The following CEMIP variants were observed in gnomAD, a reference collection of about 807,000 sequenced individuals.
The protein encoded by CEMIP is cell migration-inducing and hyaluronan-binding protein.
A neutral mutation model predicts 156.9 loss-of-function variants in CEMIP; 105 were observed. The ratio of observed to expected loss-of-function variants is 0.67; its 90% confidence interval spans 0.57 to 0.79. The LOEUF is 0.79. Among genes scored for constraint, CEMIP ranks in the 30% least tolerant of loss-of-function variants. The pLI, the probability that CEMIP is intolerant of heterozygous loss-of-function variation, is 0.00. For missense variants in CEMIP, 1,457 were observed against 1,769.4 expected (o/e 0.82, Z 3.17); for synonymous variants, 676 against 668.4 (o/e 1.01, Z -0.17).
intron 1 of CEMIP, among the ~76,000 whole-genome samples, chr15:80,829,550 T>G (rs1170415055): frequency 6.6e-6 from 1 of 152,344 alleles, no homozygotes; most frequent in East Asian, 1.9e-4. Flanking sequence ...CAAACCATAT[T>G]CCACGGAACC....
intron 1 of CEMIP, among the ~76,000 whole-genome samples, chr15:80,857,114 C>T (rs898997234): frequency 6.6e-6 from 1 of 152,252 alleles, no homozygotes; most frequent in Non-Finnish European, 1.5e-5. Context: ...GCTCTTTCGA[C>T]TCCACTCTGG....
intron 1 of CEMIP, among the ~76,000 whole-genome samples, chr15:80,810,842 ATC>A (rs1195270712): frequency 6.6e-6 from 1 of 151,608 alleles, no homozygotes; most frequent in Non-Finnish European, 1.5e-5. Flanking sequence ...CCATCCATCC[ATC>A]CAACCAGCCA....
At chr15:80,880,317 C>T (rs558439126) in intron 5 of CEMIP, among the ~76,000 whole-genome samples, 1 of 152,322 alleles carries the variant, frequency 6.6e-6, no homozygotes, top group Admixed American at 6.5e-5. Context: ...AAATACAAAA[C>T]ACTTAGAACT....
intron 1 of CEMIP, among the ~76,000 whole-genome samples, chr15:80,835,510 G>A (rs1379556636): frequency 2.0e-5 from 3 of 152,262 alleles, no homozygotes; most frequent in Admixed American, 6.5e-5. Flanking sequence ...CCTTCAGCCT[G>A]CAGGGGCAGC....
intron 1 of CEMIP, among the ~76,000 whole-genome samples, chr15:80,824,603 T>G (rs943701625): frequency 6.6e-6 from 1 of 152,236 alleles, no homozygotes; most frequent in African/African-American, 2.4e-5. Context: ...CATTTGGATA[T>G]TCTGGCCTCT....
chr15:80,802,673 T>C (rs1306291305), intron 1 of CEMIP, among the ~76,000 whole-genome samples: 1 of 152,192 alleles, frequency 6.6e-6, no homozygotes, highest in African/African-American at 2.4e-5. Context: ...AATCTATTGG[T>C]TGGATATATT....
chr15:80,844,557 G>A (rs533657866), intron 1 of CEMIP, among the ~76,000 whole-genome samples: 117 of 152,310 alleles, frequency 7.7e-4, no homozygotes, highest in African/African-American at 2.7e-3. Flanking sequence ...GACTCACAGA[G>A]CTGTGGCAGC....
chr15:80,870,655 G>A (rs1208975598), intron 1 of CEMIP, among the ~76,000 whole-genome samples: 2 of 152,190 alleles, frequency 1.3e-5, no homozygotes, highest in Non-Finnish European at 2.9e-5. Context: ...AGCAAGCAAC[G>A]CCTCCTGCCC....
At chr15:80,822,289 T>C (rs1027283914) in intron 1 of CEMIP, among the ~76,000 whole-genome samples, 4 of 152,186 alleles carry the variant, frequency 2.6e-5, no homozygotes, top group Non-Finnish European at 2.9e-5. Context: ...AGCCTCCCTG[T>C]TGCCTGCCGC....
chr15:80,802,542 G>T (rs1896404391), intron 1 of CEMIP, among the ~76,000 whole-genome samples: 1 of 152,198 alleles, frequency 6.6e-6, no homozygotes, highest in South Asian at 2.1e-4. Context: ...CTAATGGATG[G>T]TCTCATCGCT....
At chr15:80,894,873 A>G (rs1596166131) in intron 10 of CEMIP, 117 bp from the exon 11 acceptor site, 2 of 1,238,458 alleles carry the variant, frequency 1.6e-6, no homozygotes, top group East Asian at 4.7e-5. Context: ...CGTTGTAAAT[A>G]GTGTTGCAGC....
intron 24 of CEMIP, among the ~76,000 whole-genome samples, 189 bp downstream of exon 24, chr15:80,937,074 G>A (rs1901155124): frequency 6.6e-6 from 1 of 152,212 alleles, no homozygotes; most frequent in Non-Finnish European, 1.5e-5. Context: ...CTCCAGCATG[G>A]GTAACCTTGG....
intron 3 of CEMIP, among the ~76,000 whole-genome samples, chr15:80,876,135 A>C (rs181863922): frequency 6.6e-6 from 1 of 152,186 alleles, no homozygotes; most frequent in South Asian, 2.1e-4. Context: ...GACCACTGGG[A>C]TCCTCAGTTG....
chr15:80,948,971 C>A lies in CEMIP; in HGVS notation c.*47C>A, dbSNP rs199799466. 3 of 1,612,756 alleles carry A rather than the reference C, an allele frequency of 1.9e-6. No individual in the cohort carries two copies. In the African/African-American group the frequency reaches 4.0e-5, roughly 21 times the overall value. ...ACCTCGTGGTAGACTATGACGGTGA[C>A]TCTTGGCAGCAGACCAGTGGGGGAT... is the stretch of plus-strand genomic sequence containing the variant. On this transcript the variant is annotated 3_prime_UTR_variant, in exon 30 of 30. Transcript: ENST00000394685.
Position 80,949,053 on chromosome 15 carries a change from G to C in CEMIP, c.*129G>C. On this transcript the variant is annotated 3_prime_UTR_variant, in exon 30 of 30. Transcript: ENST00000394685. ...CCTGGGAAGGCCGTGTTTCAGCCCT[G>C]ATGGGCCAAGGGAAGGCTATCAGAG... is the stretch of plus-strand genomic sequence containing the variant. 1 of 1,254,508 alleles carries C rather than the reference G, an allele frequency of 8.0e-7. No homozygotes were observed. The highest frequency in any genetic ancestry group is 1.2e-6 in the Non-Finnish European group (1 of 864,884). 77.7% of individuals were successfully genotyped at this position (1,254,508 alleles called of 1,614,324 possible).
chr15:80,851,649 G>A (rs1275935046), intron 1 of CEMIP, among the ~76,000 whole-genome samples: 2 of 152,138 alleles, frequency 1.3e-5, no homozygotes, highest in Non-Finnish European at 2.9e-5. Context: ...CCTTCCAGCA[G>A]AAACAGCAAT....
At chr15:80,809,718 T>A (rs1377536517) in intron 1 of CEMIP, among the ~76,000 whole-genome samples, 3 of 152,220 alleles carry the variant, frequency 2.0e-5, no homozygotes, top group Non-Finnish European at 4.4e-5. Flanking sequence ...TTCTTGTAGT[T>A]TGCTGAATTC....
At chr15:80,816,847 T>C (rs1458362849) in intron 1 of CEMIP, among the ~76,000 whole-genome samples, 1 of 152,114 alleles carries the variant, frequency 6.6e-6, no homozygotes, top group Non-Finnish European at 1.5e-5. Flanking sequence ...TACTTGTGAT[T>C]AGGAGCCTAC....
chr15:80,892,217 G>A (rs1899055303), intron 10 of CEMIP, among the ~76,000 whole-genome samples: 2 of 152,230 alleles, frequency 1.3e-5, no homozygotes, highest in Middle Eastern at 3.4e-3. Context: ...CAGATCCTCT[G>A]GGCCAGGGAG....
Sources: gnomAD v4.1 joint callset for allele counts (sites outside exome capture counted in the v4.1 genomes callset) on GRCh38, gnomAD v4.1.1 for gene constraint, MANE v1.5 for transcripts, NCBI Gene and HGNC (gene_info 2026-07-23, HGNC 2026-07-21) for gene names.